The following ZC3H12B variants were observed in gnomAD, a reference collection of about 807,000 sequenced individuals.
The protein encoded by ZC3H12B is zinc finger CCCH-type containing 12B.
In ZC3H12B, 7 loss-of-function variants were observed where a neutral mutation model predicts 43.9. The observed-to-expected ratio is 0.16, with a 90% confidence interval of 0.09 to 0.30. The LOEUF is 0.30. Among genes scored for constraint, ZC3H12B ranks in the 10% least tolerant of loss-of-function variants. ZC3H12B has a pLI of 1.00. For synonymous variants in ZC3H12B, 222 were observed against 241.7 expected (o/e 0.92, Z 0.76); for missense variants, 475 against 670.2 (o/e 0.71, Z 3.22).
chrX:65,137,718 G>T, the ZC3H12B span, among the ~76,000 whole-genome samples: 7 of 111,501 alleles, frequency 6.3e-5, no homozygotes, highest in African/African-American at 2.3e-4. Context: ...AAATATTTTG[G>T]GGTTAGTTTT....
chrX:65,299,372 T>C, the ZC3H12B span, among the ~76,000 whole-genome samples: 1 of 112,170 alleles, frequency 8.9e-6, no homozygotes, highest in Non-Finnish European at 1.9e-5. Flanking sequence ...TAAACAGATG[T>C]AAAAATTCTC....
At chrX:65,417,527 C>T (rs944299888) in intron 3 of ZC3H12B, among the ~76,000 whole-genome samples, 1 of 112,360 alleles carries the variant, frequency 8.9e-6, no homozygotes, top group Non-Finnish European at 1.9e-5. Context: ...TTCTCAGAGG[C>T]CTTCTATTTT....
the ZC3H12B span, among the ~76,000 whole-genome samples, chrX:65,235,681 G>C: frequency 9.0e-6 from 1 of 111,459 alleles, no homozygotes; most frequent in Admixed American, 9.5e-5. Context: ...ATCTATATCA[G>C]GGAAACATGG....
chrX:65,152,698 T>G, the ZC3H12B span, among the ~76,000 whole-genome samples: 1 of 111,393 alleles, frequency 9.0e-6, no homozygotes, highest in Non-Finnish European at 1.9e-5. Flanking sequence ...CCCATCAAGC[T>G]ACCAGACTTT....
the ZC3H12B span, among the ~76,000 whole-genome samples, chrX:65,055,386 G>T: frequency 1.1e-4 from 12 of 111,690 alleles, no homozygotes; most frequent in Admixed American, 4.8e-4. Context: ...GCTGGATTAC[G>T]TTTACTGATT....
the ZC3H12B span, among the ~76,000 whole-genome samples, chrX:65,319,441 C>T: frequency 9.4e-6 from 1 of 106,549 alleles, no homozygotes; most frequent in South Asian, 3.8e-4. Flanking sequence ...AAAAAGCCTC[C>T]TATCCAGAAA....
At chrX:65,163,262 C>G in the ZC3H12B span, among the ~76,000 whole-genome samples, 1 of 111,370 alleles carries the variant, frequency 9.0e-6, no homozygotes, top group East Asian at 2.8e-4. Flanking sequence ...TCTCAGATCT[C>G]CAGCTGCGTG....
chrX:65,141,274 T>C, the ZC3H12B span, among the ~76,000 whole-genome samples: 1 of 110,522 alleles, frequency 9.0e-6, no homozygotes, highest in Admixed American at 9.7e-5. Context: ...CTCAAGATTT[T>C]AAAAAAATTC....
chrX:65,451,553 G>A (rs1465521775), intron 3 of ZC3H12B, among the ~76,000 whole-genome samples: 1 of 109,894 alleles, frequency 9.1e-6, no homozygotes, highest in Non-Finnish European at 1.9e-5. Context: ...TGTTGCTCAG[G>A]CTGCTTTTGA....
the ZC3H12B span, among the ~76,000 whole-genome samples, chrX:65,286,539 T>G: frequency 9.0e-6 from 1 of 110,583 alleles, no homozygotes; most frequent in Non-Finnish European, 1.9e-5. Context: ...AACCTGCACA[T>G]GTACCCTTTG....
the ZC3H12B span, among the ~76,000 whole-genome samples, chrX:65,102,335 T>A: frequency 8.0e-5 from 9 of 111,858 alleles, no homozygotes; most frequent in East Asian, 2.2e-3. Flanking sequence ...AAGACAAGGA[T>A]ACCCTCTCTC....
intron 3 of ZC3H12B, among the ~76,000 whole-genome samples, chrX:65,460,952 C>T (rs1482975722): frequency 4.5e-5 from 5 of 111,673 alleles, no homozygotes; most frequent in Admixed American, 3.8e-4. Flanking sequence ...ATTTTCACAA[C>T]CTACTCATCT....
chrX:65,427,403 A>C (rs1402888848), intron 3 of ZC3H12B, among the ~76,000 whole-genome samples: 2 of 110,388 alleles, frequency 1.8e-5, no homozygotes, highest in Non-Finnish European at 3.8e-5. Context: ...ATCTTGTTTT[A>C]CTTAAACCTC....
the ZC3H12B span, among the ~76,000 whole-genome samples, chrX:65,198,537 C>T: frequency 5.4e-5 from 6 of 111,522 alleles, no homozygotes; most frequent in East Asian, 1.7e-3. Flanking sequence ...AAGTTTTTTT[C>T]GACAGATTTT....
the ZC3H12B span, among the ~76,000 whole-genome samples, chrX:65,073,712 C>T: frequency 3.6e-5 from 4 of 112,065 alleles, no homozygotes; most frequent in African/African-American, 1.3e-4. Context: ...CCCCTGCCAA[C>T]TCAAGTGTCC....
chrX:65,174,949 A>T, the ZC3H12B span, among the ~76,000 whole-genome samples: 1 of 111,160 alleles, frequency 9.0e-6, no homozygotes, highest in Non-Finnish European at 1.9e-5. Context: ...CAAAAAAAAA[A>T]AACTCCTGCA....
At chrX:65,435,896 T>C (rs2067216239) in intron 3 of ZC3H12B, among the ~76,000 whole-genome samples, 1 of 112,066 alleles carries the variant, frequency 8.9e-6, no homozygotes, top group South Asian at 3.7e-4. Flanking sequence ...TGTCTGAGAA[T>C]ATGGGGAGCC....
the ZC3H12B span, among the ~76,000 whole-genome samples, chrX:65,155,710 A>C: frequency 3.3e-4 from 37 of 110,952 alleles, 2 homozygotes; most frequent in Non-Finnish European, 4.3e-4. Context: ...AAATAAAAAA[A>C]TTAGCCAGGC....
the ZC3H12B span, among the ~76,000 whole-genome samples, chrX:65,158,323 T>C: frequency 9.0e-6 from 1 of 111,308 alleles, no homozygotes; most frequent in Admixed American, 9.6e-5. Flanking sequence ...GTATTTCTAG[T>C]TGTAGATCCC....
Sources: allele counts gnomAD v4.1 joint callset (sites outside exome capture counted in the v4.1 genomes callset), GRCh38; gene constraint gnomAD v4.1.1; transcripts MANE v1.5; gene names NCBI Gene and HGNC (gene_info 2026-07-23, HGNC 2026-07-21).